CFAP58: variants seen among roughly 807,000 people sequenced by gnomAD.
CFAP58 encodes the protein cilia- and flagella-associated protein 58.
In CFAP58, 88 loss-of-function variants were observed where a neutral mutation model predicts 119.5. The ratio of observed to expected loss-of-function variants is 0.74; its 90% CI spans 0.62 to 0.88. The LOEUF is 0.88. CFAP58 is among the 40% of genes least tolerant of loss of function. The pLI, the probability that CFAP58 is intolerant of heterozygous loss-of-function variation, is 0.00. For missense variants in CFAP58, 990 were observed against 1,021.2 expected, an observed-to-expected ratio of 0.97 and a Z score of 0.42; for synonymous variants, 365 against 366.3, an observed-to-expected ratio of 1.00 and a Z score of 0.04.
At chr10:104,396,358 GC>G (rs1404618755) in intron 11 of CFAP58, among the ~76,000 whole-genome samples, 2 of 140,708 alleles carry the variant, frequency 1.4e-5, no homozygotes, top group East Asian at 4.3e-4. Flanking sequence ...TGGATAGGGA[GC>G]TGTTATCCAT....
chr10:104,376,774 C>T (rs1345634703), intron 7 of CFAP58, 37 bp from the exon 8 acceptor site: 1 of 1,545,022 alleles, frequency 6.5e-7, no homozygotes, highest in African/African-American at 1.4e-5. Context: ...TAGGTCGACT[C>T]TACGTTTATT....
At chr10:104,438,486 C>T (rs1476901737) in intron 15 of CFAP58, among the ~76,000 whole-genome samples, 1 of 151,598 alleles carries the variant, frequency 6.6e-6, no homozygotes, top group African/African-American at 2.4e-5. Context: ...CGCCATTCTC[C>T]TGCCTCAGCC....
In CFAP58 at chr10:104,380,048, A is replaced by G. The variant is rs144394752; in HGVS notation, c.1193A>G (p.Asn398Ser). 3.5e-4 allele frequency: 562 copies of G among 1,613,956 alleles called. 1 individual carries two copies. Among genetic ancestry groups the G allele is most frequent in the Admixed American group, 5.8e-4 (35 of 59,982 alleles). ...TTTTAGAACATGCTTAAGGCGGTCA[A>G]TGCGACCCAGAAGCAGACAGACTTG... is the stretch of plus-strand genomic sequence containing the variant. ...ILNKNMLKAVNATQKQTDLVK... is the reference protein window; with the variant it reads ...ILNKNMLKAVSATQKQTDLVK... Residue 398 changes from asparagine (N) to serine (S), a missense_variant, in exon 9 of 18, where the codon AAT (asparagine) becomes AGT (serine). Coordinates refer to ENST00000369704, the MANE Select transcript of CFAP58 (RefSeq NM_001008723.2).
intron 15 of CFAP58, among the ~76,000 whole-genome samples, chr10:104,437,353 A>C (rs1404190428): frequency 6.6e-6 from 1 of 152,236 alleles, no homozygotes; most frequent in South Asian, 2.1e-4. Flanking sequence ...GGTTGTTGTA[A>C]CATAAAAATA....
intron 17 of CFAP58, among the ~76,000 whole-genome samples, chr10:104,452,075 A>G (rs895232699): frequency 1.4e-4 from 22 of 152,118 alleles, no homozygotes; most frequent in Admixed American, 1.2e-3. Context: ...CCCCTCATGC[A>G]TATGCATATA....
chr10:104,353,812 C>T (rs761555496), upstream of CFAP58: 12 of 1,511,502 alleles, frequency 7.9e-6, no homozygotes, highest in Non-Finnish European at 9.9e-6. Flanking sequence ...GACAGCGCGT[C>T]GCGCCTTTAG....
upstream of CFAP58, among the ~76,000 whole-genome samples, chr10:104,350,930 T>C (rs1317032859): frequency 6.6e-6 from 1 of 152,196 alleles, no homozygotes; most frequent in Non-Finnish European, 1.5e-5. Context: ...CCCTTGGACA[T>C]GGGAAGACAC....
At chr10:104,367,223 A>G (rs963022364) in intron 5 of CFAP58, among the ~76,000 whole-genome samples, 1 of 152,164 alleles carries the variant, frequency 6.6e-6, no homozygotes, top group African/African-American at 2.4e-5. Flanking sequence ...TGTATTTTTA[A>G]TATGGTACTG....
At chr10:104,364,526 A>G (rs1199793242) in intron 3 of CFAP58, among the ~76,000 whole-genome samples, 1 of 151,954 alleles carries the variant, frequency 6.6e-6, no homozygotes, top group Admixed American at 6.6e-5. Flanking sequence ...AATAAATTAT[A>G]CTATGCATGT....
In CFAP58 at chr10:104,440,308, G is replaced by GA. The variant is rs202058572; in HGVS notation, c.2257-7381dup. 1.3e-3 allele frequency among the ~76,000 whole-genome samples: 189 copies of GA among 150,420 alleles called. 2 individuals carry two copies. The highest frequency in any genetic ancestry group is 4.3e-3 in the African/African-American group (175 of 40,702). ...GAAGGGCTCTATTCACCAAGAATAG[G>GA]AAAAAAAAATTCTTTGGAATAGCCA... On this transcript the variant is annotated intron_variant, in intron 15 of 17. Coordinates refer to ENST00000369704, the MANE Select transcript of CFAP58 (RefSeq NM_001008723.2).
intron 5 of CFAP58, among the ~76,000 whole-genome samples, chr10:104,366,219 G>C (rs2014747457): frequency 6.6e-6 from 1 of 151,972 alleles, no homozygotes; most frequent in Non-Finnish European, 1.5e-5. Flanking sequence ...AGCTCTAACA[G>C]GTTAATAAGT....
chr10:104,376,818 G>T lies in CFAP58; in HGVS notation c.1098G>T (p.Glu366Asp). 6 of 1,613,072 alleles carry T rather than the reference G, an allele frequency of 3.7e-6. No homozygotes were observed. Among genetic ancestry groups the T allele is most frequent in the Non-Finnish European group, 4.2e-6 (5 of 1,179,406 alleles). Reference sequence around the variant, plus strand: ...TTCTCCCTGGGGATTCAGAGGTAGAGGCTTCAAAGAAACAAGCAGAACTTG... The same window carrying T: ...TTCTCCCTGGGGATTCAGAGGTAGATGCTTCAAAGAAACAAGCAGAACTTG... ...NQIVGLEREVEASKKQAELDR... is the reference protein window; with the variant it reads ...NQIVGLEREVDASKKQAELDR... The change falls in exon 8 of 18, where the codon GAG (glutamate) becomes GAT (aspartate). Residue 366 changes from glutamate to aspartate, a missense_variant. Physicochemically the swap from Glu to Asp is conservative, Grantham distance 45. Coordinates refer to ENST00000369704, the MANE Select transcript of CFAP58 (RefSeq NM_001008723.2).
intron 15 of CFAP58, among the ~76,000 whole-genome samples, chr10:104,438,757 T>C (rs897571719): frequency 1.3e-5 from 2 of 152,230 alleles, no homozygotes; most frequent in Non-Finnish European, 2.9e-5. Flanking sequence ...AGCTTTAAGA[T>C]GCAGCACTTC....
chr10:104,352,700 C>T (rs546021591), upstream of CFAP58, among the ~76,000 whole-genome samples: 3 of 152,314 alleles, frequency 2.0e-5, no homozygotes, highest in South Asian at 6.2e-4. Flanking sequence ...ACGATCATGG[C>T]TGTATTACTT....
intron 7 of CFAP58, among the ~76,000 whole-genome samples, chr10:104,375,731 A>G (rs1428509784): frequency 6.6e-6 from 1 of 151,340 alleles, no homozygotes; most frequent in Non-Finnish European, 1.5e-5. Flanking sequence ...AATACGTTTA[A>G]GAAATACATT....
chr10:104,415,454 G>A (rs1463771579), intron 15 of CFAP58, among the ~76,000 whole-genome samples: 1 of 152,174 alleles, frequency 6.6e-6, no homozygotes, highest in Non-Finnish European at 1.5e-5. Context: ...CTGGTTGATT[G>A]TTGCCCTGGG....
chr10:104,371,096 T>C, intron 7 of CFAP58, 42 bp downstream of exon 7: 1 of 1,553,686 alleles, frequency 6.4e-7, no homozygotes, highest in South Asian at 1.2e-5. Context: ...AACATTTTAT[T>C]GGTGACTGAT....
intron 2 of CFAP58, among the ~76,000 whole-genome samples, chr10:104,359,050 T>A (rs915707184): frequency 6.6e-6 from 1 of 152,220 alleles, no homozygotes; most frequent in Non-Finnish European, 1.5e-5. Context: ...TTTCATGACC[T>A]TTCTTCCTAG....
At chr10:104,394,588 A>C (rs112699207) in intron 11 of CFAP58, among the ~76,000 whole-genome samples, 2 of 152,244 alleles carry the variant, frequency 1.3e-5, no homozygotes, top group African/African-American at 4.8e-5. Flanking sequence ...AAATTACTAC[A>C]TTAAATTAAC....
Sources: allele counts gnomAD v4.1 joint callset (sites outside exome capture counted in the v4.1 genomes callset), GRCh38; gene constraint gnomAD v4.1.1; transcripts MANE v1.5; gene names NCBI Gene and HGNC (gene_info 2026-07-23, HGNC 2026-07-21).